ARRB2: variants seen among roughly 807,000 people sequenced by gnomAD.
The protein encoded by ARRB2 is arrestin beta 2, also known as beta-arrestin-2.
Under a neutral mutation model 53.4 loss-of-function variants are expected in ARRB2, and 21 were observed. That is an observed-to-expected ratio of 0.39 (90% CI 0.28 to 0.57). ARRB2 has a LOEUF of 0.57. Ranked by LOEUF, ARRB2 falls within the 20% of genes least tolerant of loss-of-function variation. ARRB2 has a pLI of 0.55. For synonymous variants in ARRB2, 180 were observed against 212.9 expected (o/e 0.85, Z 1.34); for missense variants, 369 against 527.5 (o/e 0.70, Z 2.94).
At position 4,720,575 on chromosome 17, in the gene ARRB2, C is replaced by T. The variant is rs765017660; in HGVS notation, c.1082-11C>T. ...CACCCACCCCCACACCCCCTCTTCC[C>T]GTCCCCCCAGCCGCTCCGGAGACAG... On this transcript the variant is annotated splice_polypyrimidine_tract_variant and intron_variant, in intron 13 of 14. Coordinates refer to ENST00000269260, the MANE Select transcript of ARRB2 (RefSeq NM_004313.4). 44 of 1,582,760 alleles carry T rather than the reference C, an allele frequency of 2.8e-5. No individual in the cohort carries two copies. Among genetic ancestry groups the T allele is most frequent in the South Asian group, 2.3e-4 (20 of 85,986 alleles).
chr17:4,718,463 AT>A, intron 9 of ARRB2, 118 bp downstream of exon 9: 1 of 1,322,594 alleles, frequency 7.6e-7, no homozygotes, highest in Non-Finnish European at 1.1e-6. Context: ...GGCTCAAAGA[AT>A]TTAGGTTGTT....
Position 4,716,899 on chromosome 17 carries a change from A to G in ARRB2, c.357+291A>G. 8.1e-6 allele frequency: 5 copies of G among 620,262 alleles called. No individual in the cohort carries two copies. The East Asian group carries it at 1.4e-4, about 17-fold the overall frequency. 38.4% of individuals were successfully genotyped at this position (620,262 alleles called of 1,614,324 possible). A position where few individuals can be genotyped will look rare whatever the true frequency, so the allele number is the denominator to read the frequency against. On this transcript the variant is annotated intron_variant, in intron 5 of 14. Coordinates refer to ENST00000269260, the MANE Select transcript of ARRB2 (RefSeq NM_004313.4). ...GCCCAGGCTGGAGTGCAGTGGCACAATCTTGGTTCACTGCAACCTCCGCCT... is the reference window on the plus strand; with the variant it reads ...GCCCAGGCTGGAGTGCAGTGGCACAGTCTTGGTTCACTGCAACCTCCGCCT...
Position 4,721,061 on chromosome 17 carries a change from AGGGGAT to A in ARRB2, c.*27_*32del. On this transcript the variant is annotated 3_prime_UTR_variant, in exon 15 of 15. Transcript: ENST00000269260. This position sits in a 1 kb window ranked among gnomAD's most constrained non-coding sequence, Gnocchi z 4.2. Reference sequence around the variant, plus strand: ...CTAGGAAGCGGGGTGGGAAGAAGGGAGGGGATGGGGTTGGGAGAGGTGAGGGCAGGA... The same window carrying A: ...CTAGGAAGCGGGGTGGGAAGAAGGGAGGGGTTGGGAGAGGTGAGGGCAGGA... 8.1e-7 allele frequency: 1 copy of A among 1,241,092 alleles called. No homozygotes were observed. Among genetic ancestry groups the A allele is most frequent in the Non-Finnish European group, 1.2e-6 (1 of 844,258 alleles). The allele number at this position is 1,241,092 out of a possible 1,614,324, so 76.9% of individuals were successfully genotyped here.
At chr17:4,719,252 A>G (rs772013314) in intron 10 of ARRB2, 31 bp from the exon 11 acceptor site, 6 of 1,599,280 alleles carry the variant, frequency 3.8e-6, no homozygotes, top group African/African-American at 2.7e-5. Context: ...CAGCGCCCCT[A>G]AGCATCTTGT....
Position 4,717,417 on chromosome 17 carries a change from G to A in ARRB2, c.417+141G>A. 9.0e-7 allele frequency: 1 copy of A among 1,110,322 alleles called. No individual in the cohort carries two copies. The highest frequency in any genetic ancestry group is 1.4e-6 in the Non-Finnish European group (1 of 739,852). 68.8% of individuals were successfully genotyped at this position (1,110,322 alleles called of 1,614,324 possible). A position where few individuals can be genotyped will look rare whatever the true frequency, so the allele number is the denominator to read the frequency against. On this transcript the variant is annotated intron_variant, in intron 6 of 14. Transcript: ENST00000269260. This position sits in a 1 kb window ranked among gnomAD's most constrained non-coding sequence, Gnocchi z 6.0. ...GGCCAGTGTCCCCCGTGGAAGTGGG[G>A]CGTATGTGGTGGTCATTGTGCACGC...
At chr17:4,710,869 C>T in intron 1 of ARRB2, 125 bp downstream of exon 1, 1 of 396,204 alleles carries the variant, frequency 2.5e-6, no homozygotes. Context: ...TAGGGACAGC[C>T]ATCCGGGGCC....
At chr17:4,718,535 G>A (rs945868787) in intron 9 of ARRB2, 77 bp from the exon 10 acceptor site, 35 of 1,476,038 alleles carry the variant, frequency 2.4e-5, no homozygotes, top group African/African-American at 2.4e-4. Flanking sequence ...GGGGGGCCAC[G>A]CCACGGGGTC....
chr17:4,718,230 T>G (rs1300599059), intron 8 of ARRB2, 31 bp from the exon 9 acceptor site: 2 of 1,594,452 alleles, frequency 1.3e-6, no homozygotes, highest in African/African-American at 2.7e-5. Context: ...GAAAACCAGT[T>G]CCAATTCACA....
chr17:4,720,454 C>A lies in ARRB2; in HGVS notation c.1063C>A (p.Leu355Ile), dbSNP rs753798085. The stretch of plus-strand genomic sequence containing the variant: ...CCCCAAGCCCCACGACCACATCCCC[C>A]TCCCCAGACCCCAGTCAGGTGAGCA... ...MHPKPHDHIP[L>I]PRPQSAAPET... The change falls in exon 13 of 15, where the codon CTC becomes ATC. Residue 355 changes from leucine (L) to isoleucine (I), a missense_variant. Transcript: ENST00000269260. 6.2e-7 allele frequency: 1 copy of A among 1,613,296 alleles called. No homozygotes were observed. Among genetic ancestry groups the A allele is most frequent in the Non-Finnish European group, 8.5e-7 (1 of 1,179,560 alleles).
chr17:4,711,136 A>G (rs1049228896), intron 1 of ARRB2, among the ~76,000 whole-genome samples: 2 of 152,032 alleles, frequency 1.3e-5, no homozygotes, highest in African/African-American at 2.4e-5. Context: ...GCGCCAAGCC[A>G]ATGGAAAGCC....
chr17:4,714,979 G>A, intron 1 of ARRB2, 34 bp from the exon 2 acceptor site: 2 of 1,584,292 alleles, frequency 1.3e-6, no homozygotes, highest in South Asian at 1.1e-5. Context: ...TGAGTCTGAG[G>A]GAGGCAGTGG....
intron 5 of ARRB2, 72 bp downstream of exon 5, chr17:4,716,680 C>G (rs1346052300): frequency 1.3e-6 from 2 of 1,515,754 alleles, no homozygotes. Flanking sequence ...GGGTAAGGCA[C>G]TGCTGTGGGC....
intron 2 of ARRB2, chr17:4,715,495 A>G (rs1180016073): frequency 2.0e-5 from 3 of 151,114 alleles, no homozygotes; most frequent in Non-Finnish European, 1.3e-5. Context: ...AGACACACAC[A>G]CACATACACA....
chr17:4,712,132 G>A (rs1029526090), intron 1 of ARRB2, among the ~76,000 whole-genome samples: 7 of 152,312 alleles, frequency 4.6e-5, no homozygotes, highest in African/African-American at 1.7e-4. Context: ...CCTAATGGGA[G>A]GACACCCTGG....
intron 13 of ARRB2, 37 bp downstream of exon 13, chr17:4,720,509 G>A (rs1021781701): frequency 1.8e-5 from 28 of 1,594,994 alleles, no homozygotes; most frequent in Non-Finnish European, 2.2e-5. Context: ...TCAGAGGGAG[G>A]GCCTGAAGCA....
Position 4,721,148 on chromosome 17 carries a change from C to T in ARRB2, c.*109C>T, listed in dbSNP as rs1915657595. The T allele has an allele frequency of 2.6e-6, 3 of 1,153,416 alleles. No homozygotes were observed. Among genetic ancestry groups the T allele is most frequent in the Non-Finnish European group, 3.8e-6 (3 of 795,462 alleles). 71.4% of individuals were successfully genotyped at this position (1,153,416 alleles called of 1,614,324 possible). A position where few individuals can be genotyped will look rare whatever the true frequency, so the allele number is the denominator to read the frequency against. ...CCCAGCCCCTCTTCCCTTCCCCTCACCTGGAAGCTTCTTCAACCAATCCCT... is the reference window on the plus strand; with the variant it reads ...CCCAGCCCCTCTTCCCTTCCCCTCATCTGGAAGCTTCTTCAACCAATCCCT... On this transcript the variant is annotated 3_prime_UTR_variant, in exon 15 of 15. Transcript: ENST00000269260. This position sits in a 1 kb window ranked among gnomAD's most constrained non-coding sequence, Gnocchi z 4.2.
At chr17:4,720,111 C>A (rs1915540139) in intron 11 of ARRB2, 105 bp from the exon 12 acceptor site, 1 of 1,172,054 alleles carries the variant, frequency 8.5e-7, no homozygotes, top group Non-Finnish European at 1.2e-6. Flanking sequence ...GCCCTGGGGG[C>A]CTGTGCGAGT....
Position 4,716,529 on chromosome 17 carries a change from A to ACCCCCCCCCCCCCCCCCC in ARRB2, c.281_282insCCCCCCCCCCCCCCCCCC (p.Pro95_Arg96insProProProProProPro). ...TACCAGGCCTTCCCCCCGGTGCCCA[A>ACCCCCCCCCCCCCCCCCC]CCCACCCCGGCCCCCCACCCGCCTG... is the stretch of plus-strand genomic sequence containing the variant. On this transcript the variant is annotated inframe_insertion, in exon 5 of 15. Transcript: ENST00000269260. 6.6e-7 allele frequency: 1 copy of ACCCCCCCCCCCCCCCCCC among 1,520,724 alleles called. No homozygotes were observed. Among genetic ancestry groups the ACCCCCCCCCCCCCCCCCC allele is most frequent in the Non-Finnish European group, 8.9e-7 (1 of 1,124,314 alleles). The allele number at this position is 1,520,724 out of a possible 1,614,324, so 94.2% of individuals were successfully genotyped here.
At chr17:4,720,740 C>A in intron 14 of ARRB2, 100 bp downstream of exon 14, 1 of 1,174,616 alleles carries the variant, frequency 8.5e-7, no homozygotes, top group Non-Finnish European at 1.2e-6. Flanking sequence ...TGGGGAGAAG[C>A]GGATTGTAGC....
Sources: gnomAD v4.1 joint callset for allele counts (sites outside exome capture counted in the v4.1 genomes callset) on GRCh38, gnomAD v4.1.1 for gene constraint, Gnocchi (gnomAD v3.1) non-coding constraint, MANE v1.5 for transcripts, NCBI Gene and HGNC (gene_info 2026-07-23, HGNC 2026-07-21) for gene names.